Variants in PHAF1 observed in about 807,000 individuals in gnomAD.
PHAF1 encodes phagophore assembly factor 1, also known as phagosome assembly factor 1.
In PHAF1, 23 loss-of-function variants were observed where a neutral mutation model predicts 63.1. The ratio of observed to expected loss-of-function variants is 0.36; its 90% confidence interval spans 0.26 to 0.52. The LOEUF is 0.52. Ranked by LOEUF, PHAF1 falls within the 20% of genes least tolerant of loss-of-function variation. The probability of loss-of-function intolerance (pLI) is 0.93; values close to 1 mark genes in which losing one functional copy is unlikely to be tolerated. For missense variants in PHAF1, 427 were observed against 517.2 expected (o/e 0.83, Z 1.69); for synonymous variants, 167 against 185.0 (o/e 0.90, Z 0.79).
chr16:67,133,623 C>CA (rs1203338643), intron 6 of PHAF1, among the ~76,000 whole-genome samples: 2 of 151,102 alleles, frequency 1.3e-5, no homozygotes, highest in African/African-American at 2.4e-5. Context: ...ATTAAAAATA[C>CA]AAAAAATTTA....
chr16:67,113,657 G>T (rs1259062949), intron 1 of PHAF1, among the ~76,000 whole-genome samples: 1 of 151,644 alleles, frequency 6.6e-6, no homozygotes, highest in Non-Finnish European at 1.5e-5. Flanking sequence ...CACCGTGTTA[G>T]CCAGGATGGT....
At chr16:67,140,425 C>A in intron 9 of PHAF1, 86 bp from the exon 10 acceptor site, 1 of 1,187,374 alleles carries the variant, frequency 8.4e-7, no homozygotes, top group Non-Finnish European at 1.2e-6. Context: ...TAATGTTACA[C>A]ATGGAACACA....
At chr16:67,124,686 G>A (rs1469121838) in intron 2 of PHAF1, among the ~76,000 whole-genome samples, 1 of 152,066 alleles carries the variant, frequency 6.6e-6, no homozygotes, top group East Asian at 1.9e-4. Flanking sequence ...GATGGATCAC[G>A]AGGTCAGGAG....
intron 6 of PHAF1, 27 bp from the exon 7 acceptor site, chr16:67,134,141 A>G (rs1397936195): frequency 6.3e-7 from 1 of 1,583,462 alleles, no homozygotes; most frequent in South Asian, 1.1e-5. Context: ...TTGTGCCCTA[A>G]GTAAAACTCT....
chr16:67,120,335 T>A, intron 2 of PHAF1, 141 bp downstream of exon 2: 1 of 718,046 alleles, frequency 1.4e-6, no homozygotes, highest in Non-Finnish European at 2.3e-6. Context: ...AGTTATCAAG[T>A]ACCTTTTCTT....
rs544691000 is a variant in PHAF1 at position 67,109,970 on chromosome 16, C to G, written c.-206C>G. ...TCGCGCCCGCCGCCGTCGTTGCCCC[C>G]GCTGCCGCGGCTGCTGCAGGTGAGG... On this transcript the variant is annotated 5_prime_UTR_variant, in exon 1 of 16. Coordinates refer to ENST00000219139, the MANE Select transcript of PHAF1 (RefSeq NM_025187.5). The G allele has an allele frequency of 9.4e-6, 5 of 531,672 alleles. No homozygotes were observed. Among genetic ancestry groups the G allele is most frequent in the Admixed American group, 7.5e-5 (2 of 26,786 alleles). The allele number at this position is 531,672 out of a possible 1,614,324, so 32.9% of individuals were successfully genotyped here. A position where few individuals can be genotyped will look rare whatever the true frequency, so the allele number is the denominator to read the frequency against.
chr16:67,117,349 T>A (rs1455717803), intron 1 of PHAF1, among the ~76,000 whole-genome samples: 1 of 150,264 alleles, frequency 6.7e-6, no homozygotes. Flanking sequence ...GCGCCCAGCC[T>A]GGAAACAAAC....
At chr16:67,145,667 C>T in intron 14 of PHAF1, 39 bp downstream of exon 14, 2 of 1,581,496 alleles carry the variant, frequency 1.3e-6, no homozygotes, top group Non-Finnish European at 1.7e-6. Flanking sequence ...CCCCACCTGA[C>T]TCCTCAGAGC....
chr16:67,140,368 G>A, intron 9 of PHAF1, 143 bp from the exon 10 acceptor site: 1 of 848,506 alleles, frequency 1.2e-6, no homozygotes, highest in Non-Finnish European at 1.8e-6. Flanking sequence ...TCCTAGATTG[G>A]TCAGCACCAG....
chr16:67,119,522 C>CA (rs1555544006), intron 1 of PHAF1, among the ~76,000 whole-genome samples: 49 of 138,632 alleles, frequency 3.5e-4, no homozygotes, highest in African/African-American at 1.0e-3. Context: ...TCATACGCAT[C>CA]TTTTTTTTTT....
Position 67,146,913 on chromosome 16 carries a change from G to C in PHAF1, c.1183-132G>C. On this transcript the variant is annotated intron_variant, in intron 15 of 15. Coordinates refer to ENST00000219139, the MANE Select transcript of PHAF1 (RefSeq NM_025187.5). The stretch of plus-strand genomic sequence containing the variant: ...AGAGGGGGGCCTTTAGCATGAACCA[G>C]GGGAGGTTGAGGAGTCGGGAAACCC... 2.5e-6 allele frequency: 2 copies of C among 804,294 alleles called. 1 individual carries two copies. The highest frequency in any genetic ancestry group is 3.1e-5 in the South Asian group (2 of 64,946). 49.8% of individuals were successfully genotyped at this position (804,294 alleles called of 1,614,324 possible).
At chr16:67,114,641 G>A (rs1962665737) in intron 1 of PHAF1, among the ~76,000 whole-genome samples, 2 of 151,988 alleles carry the variant, frequency 1.3e-5, no homozygotes, top group African/African-American at 4.8e-5. Flanking sequence ...TATAATTAGA[G>A]CATGATGTAC....
chr16:67,114,716 C>T (rs1321365661), intron 1 of PHAF1, among the ~76,000 whole-genome samples: 1 of 152,136 alleles, frequency 6.6e-6, no homozygotes, highest in Non-Finnish European at 1.5e-5. Context: ...GCCTGGGATA[C>T]TATCAAGGAT....
At chr16:67,144,679 A>T (rs761950044) in intron 11 of PHAF1, among the ~76,000 whole-genome samples, 155 bp from the exon 12 acceptor site, 1 of 152,166 alleles carries the variant, frequency 6.6e-6, no homozygotes, top group Non-Finnish European at 1.5e-5. Context: ...TCCGTGCCTA[A>T]ATCTGGCCTC....
At chr16:67,115,640 T>C (rs545514262) in intron 1 of PHAF1, among the ~76,000 whole-genome samples, 3 of 152,292 alleles carry the variant, frequency 2.0e-5, no homozygotes, top group South Asian at 2.1e-4. Flanking sequence ...GGCTGACCAT[T>C]CTGTTAGAGC....
chr16:67,110,121 C>T lies in PHAF1; in HGVS notation c.-55C>T. On this transcript the variant is annotated 5_prime_UTR_variant, in exon 1 of 16. Coordinates refer to ENST00000219139, the MANE Select transcript of PHAF1 (RefSeq NM_025187.5). ...CAGCCGCTGCTTTGTCTCCTTAGCT[C>T]GGGTCCCTTCTGCGCTGCCGCAGGG... 3 of 1,539,654 alleles carry T rather than the reference C, an allele frequency of 1.9e-6. No individual in the cohort carries two copies. Among genetic ancestry groups the T allele is most frequent in the Admixed American group, 2.0e-5 (1 of 50,888 alleles).
At chr16:67,133,652 T>C (rs1039509717) in intron 6 of PHAF1, among the ~76,000 whole-genome samples, 15 of 151,554 alleles carry the variant, frequency 9.9e-5, no homozygotes, top group East Asian at 2.0e-4. Flanking sequence ...TGGTGGCGGG[T>C]GCCTGTAGTC....
chr16:67,134,706 G>T (rs996882451), intron 8 of PHAF1: 4 of 616,894 alleles, frequency 6.5e-6, no homozygotes, highest in Non-Finnish European at 1.2e-5. Context: ...GTTCATAGAA[G>T]AAACTTCTCC....
intron 10 of PHAF1, among the ~76,000 whole-genome samples, chr16:67,144,053 C>A (rs1353381117): frequency 1.3e-5 from 2 of 152,158 alleles, no homozygotes; most frequent in Non-Finnish European, 2.9e-5. Flanking sequence ...AGTGAGCTGA[C>A]ACAGTGCCAC....
Sources: gnomAD v4.1 joint callset for allele counts (sites outside exome capture counted in the v4.1 genomes callset) on GRCh38, gnomAD v4.1.1 for gene constraint, MANE v1.5 for transcripts, NCBI Gene and HGNC (gene_info 2026-07-23, HGNC 2026-07-21) for gene names.